FIGNL2: variants seen among roughly 807,000 people sequenced by gnomAD.
FIGNL2 encodes the protein fidgetin like 2.
For synonymous variants in FIGNL2, 565 were observed against 484.0 expected (o/e 1.17, Z -2.20); for missense variants, 1,060 against 950.2 (o/e 1.12, Z -1.52).
In FIGNL2 at chr12:51,820,803, CCG is replaced by C; in HGVS notation, c.1609_1610del (p.Arg537AlafsTer43). 6.8e-7 allele frequency: 1 copy of C among 1,474,214 alleles called. No homozygotes were observed. The highest frequency in any genetic ancestry group is 1.3e-5 in the South Asian group (1 of 77,784). The allele number at this position is 1,474,214 out of a possible 1,614,324, so 91.3% of individuals were successfully genotyped here. On this transcript the variant is annotated frameshift_variant, in exon 2 of 2. Transcript: ENST00000618634. LOFTEE classifies it low-confidence loss of function (END_TRUNC). ...GGGTCGCCTCGTCCAGAGCCGCGGGCCGCGAGGTGGTGCCCACAACCAGCACG... is the reference window on the plus strand; with the variant it reads ...GGGTCGCCTCGTCCAGAGCCGCGGGCCGAGGTGGTGCCCACAACCAGCACG... ...DGVLVVGTTS[R>X]PAALDEATRR...
chr12:51,842,379 G>C (rs1939678544), intron 1 of FIGNL2, among the ~76,000 whole-genome samples: 1 of 152,200 alleles, frequency 6.6e-6, no homozygotes, highest in Non-Finnish European at 1.5e-5. Flanking sequence ...AGTTTCTCCT[G>C]GTGTCCAGAG....
At chr12:51,827,968 C>T (rs1287581848) in intron 1 of FIGNL2, among the ~76,000 whole-genome samples, 1 of 152,174 alleles carries the variant, frequency 6.6e-6, no homozygotes, top group Non-Finnish European at 1.5e-5. Context: ...GGAGACAGGA[C>T]TCAAAGCCCA....
At chr12:51,829,554 G>A (rs1009184291) in intron 1 of FIGNL2, among the ~76,000 whole-genome samples, 4 of 152,198 alleles carry the variant, frequency 2.6e-5, no homozygotes, top group African/African-American at 9.7e-5. Context: ...GCATGAGTAG[G>A]GCTCAACACA....
rs977341590 is a variant in FIGNL2, at chr12:51,821,103, G to C, written c.1311C>G (p.Gly437=). The C allele has an allele frequency of 1.5e-6, 2 of 1,374,460 alleles. No individual in the cohort carries two copies. Among genetic ancestry groups the C allele is most frequent in the African/African-American group, 3.1e-5 (2 of 64,876 alleles). The allele number at this position is 1,374,460 out of a possible 1,614,324, so 85.1% of individuals were successfully genotyped here. Residue 437 remains glycine, a synonymous_variant, in exon 2 of 2, where the codon GGC becomes GGG. Coordinates refer to ENST00000618634, the MANE Select transcript of FIGNL2 (RefSeq NM_001384995.1). ...TVLLFGPRGA[G]KALLGRCLAT... is the part of the protein sequence containing the mutation. Reference sequence around the variant, plus strand: ...CGAGGCAGCGGCCCAGCAGCGCTTTGCCCGCGCCCCGCGGCCCAAAGAGCA... The same window carrying C: ...CGAGGCAGCGGCCCAGCAGCGCTTTCCCCGCGCCCCGCGGCCCAAAGAGCA...
intron 1 of FIGNL2, among the ~76,000 whole-genome samples, chr12:51,834,311 C>T (rs1051573379): frequency 1.3e-4 from 19 of 151,962 alleles, no homozygotes; most frequent in African/African-American, 4.4e-4. Context: ...TCTGTGAACA[C>T]CAGAGGAAAG....
intron 1 of FIGNL2, among the ~76,000 whole-genome samples, chr12:51,834,946 T>C (rs963234554): frequency 6.6e-6 from 1 of 152,192 alleles, no homozygotes; most frequent in Admixed American, 6.5e-5. Context: ...GACTCAAGTG[T>C]GGAAAGAGAT....
At chr12:51,833,337 G>C (rs904781325) in intron 1 of FIGNL2, among the ~76,000 whole-genome samples, 1 of 152,128 alleles carries the variant, frequency 6.6e-6, no homozygotes, top group African/African-American at 2.4e-5. Flanking sequence ...CCAGGCATGG[G>C]CCACTGTGCC....
chr12:51,830,339 C>T (rs1939428104), intron 1 of FIGNL2, among the ~76,000 whole-genome samples: 2 of 151,716 alleles, frequency 1.3e-5, no homozygotes, highest in Admixed American at 1.3e-4. Context: ...TTTAGGTGTT[C>T]TTACCACAAA....
In FIGNL2 at chr12:51,821,603, CG is replaced by C; in HGVS notation, c.810del (p.Asp271ThrfsTer108). 1.3e-6 allele frequency: 2 copies of C among 1,505,418 alleles called. No homozygotes were observed. Among genetic ancestry groups the C allele is most frequent in the Non-Finnish European group, 1.8e-6 (2 of 1,133,134 alleles). The allele number at this position is 1,505,418 out of a possible 1,614,324, so 93.3% of individuals were successfully genotyped here. A position where few individuals can be genotyped will look rare whatever the true frequency, so the allele number is the denominator to read the frequency against. Reference protein sequence around the residue: ...ESGLSLKRKAADEGPEGRYRK... With the variant: ...ESGLSLKRKAXDEGPEGRYRK... The stretch of plus-strand genomic sequence containing the variant: ...CGGTAGCGGCCCTCGGGCCCCTCGT[CG>C]GCGGCCTTGCGCTTCAGCGACAGCC... On this transcript the variant is annotated frameshift_variant, in exon 2 of 2. Coordinates refer to ENST00000618634, the MANE Select transcript of FIGNL2 (RefSeq NM_001384995.1). LOFTEE classifies it low-confidence loss of function (END_TRUNC).
At chr12:51,845,191 C>G (rs576119991) in intron 1 of FIGNL2, among the ~76,000 whole-genome samples, 4 of 152,326 alleles carry the variant, frequency 2.6e-5, no homozygotes, top group African/African-American at 7.2e-5. Context: ...CTTCCATGCC[C>G]TAGTATTCCT....
At chr12:51,830,706 T>C (rs1422871926) in intron 1 of FIGNL2, among the ~76,000 whole-genome samples, 2 of 152,080 alleles carry the variant, frequency 1.3e-5, no homozygotes, top group South Asian at 2.1e-4. Flanking sequence ...TTGGCCAGGC[T>C]GGTCTCAAAC....
rs1344196601 is a variant in FIGNL2, at chr12:51,821,368, G to A, written c.1046C>T (p.Pro349Leu). The A allele has an allele frequency of 1.3e-6, 2 of 1,505,588 alleles. No individual in the cohort carries two copies. The highest frequency in any genetic ancestry group is 2.1e-5 in the Admixed American group (1 of 47,188). The allele number at this position is 1,505,588 out of a possible 1,614,324, so 93.3% of individuals were successfully genotyped here. Reference protein sequence around the residue: ...GPQLEPFEKFPERAPAPRGGF... With the variant: ...GPQLEPFEKFLERAPAPRGGF... ...CCCACGAGGAGCCGGGGCCCGCTCCGGGAACTTTTCAAAGGGCTCCAGTTG... is the reference window on the plus strand; with the variant it reads ...CCCACGAGGAGCCGGGGCCCGCTCCAGGAACTTTTCAAAGGGCTCCAGTTG... Residue 349 changes from proline to leucine, a missense_variant, in exon 2 of 2, where the codon CCG becomes CTG. Pro to Leu is a moderately conservative substitution (Grantham distance 98, BLOSUM62 -3). Transcript: ENST00000618634.
chr12:51,823,753 G>C (rs1346429074), intron 1 of FIGNL2, among the ~76,000 whole-genome samples: 1 of 152,236 alleles, frequency 6.6e-6, no homozygotes, highest in Non-Finnish European at 1.5e-5. Flanking sequence ...TATTCTCATA[G>C]GTTCAGTATT....
At chr12:51,848,336 C>A in intron 1 of FIGNL2, 2 of 982,972 alleles carry the variant, frequency 2.0e-6, no homozygotes, top group Non-Finnish European at 2.4e-6. Context: ...CCCCCTCCCC[C>A]CGAGAAGTGA....
In FIGNL2 at chr12:51,821,898, G is replaced by C; in HGVS notation, c.516C>G (p.Cys172Trp). The C allele has an allele frequency of 7.0e-7, 1 of 1,429,412 alleles. No homozygotes were observed. The highest frequency in any genetic ancestry group is 3.4e-5 in the Admixed American group (1 of 29,634). The allele number at this position is 1,429,412 out of a possible 1,614,324, so 88.5% of individuals were successfully genotyped here. The change falls in exon 2 of 2, where the codon TGC becomes TGG. Residue 172 changes from cysteine (C) to tryptophan (W), a missense_variant. Cys to Trp is a radical substitution (Grantham distance 215, BLOSUM62 -2). Coordinates refer to ENST00000618634, the MANE Select transcript of FIGNL2 (RefSeq NM_001384995.1). ...YGGGYLAPGY[C>W]AQTGAALPPP... is the part of the protein sequence containing the mutation. Reference sequence around the variant, plus strand: ...GGGGCAGCGCGGCGCCCGTCTGCGCGCAGTAACCCGGCGCCAGGTACCCCC... The same window carrying C: ...GGGGCAGCGCGGCGCCCGTCTGCGCCCAGTAACCCGGCGCCAGGTACCCCC...
In FIGNL2 at chr12:51,832,159, A is replaced by G. The variant is rs148373664; in HGVS notation, c.-11-9735T>C. ...AGCCTCCTAAGTAGCTGGGATTACA[A>G]GTGCCCACCACCACGCCCAGCTAAT... On this transcript the variant is annotated intron_variant, in intron 1 of 1. Transcript: ENST00000618634. Among the ~76,000 whole-genome samples the G allele has an allele frequency of 7.2e-3, 1,102 of 152,074 alleles. 10 individuals are homozygous for G. The highest frequency in any genetic ancestry group is 0.025 in the African/African-American group (1,036 of 41,480).
rs565395592 is a variant in FIGNL2 at position 51,836,272 on chromosome 12, G to A, written c.-12+12268C>T. 1.2e-4 allele frequency among the ~76,000 whole-genome samples: 18 copies of A among 152,260 alleles called. No homozygotes were observed. In the South Asian group the frequency reaches 3.7e-3, roughly 32 times the overall value. On this transcript the variant is annotated intron_variant, in intron 1 of 1. Coordinates refer to ENST00000618634, the MANE Select transcript of FIGNL2 (RefSeq NM_001384995.1). ...AGAGGAGGGACAGGCGGAGGAGGAG[G>A]AGAGGAAGGTAGGACAGGGCACTCT...
intron 1 of FIGNL2, among the ~76,000 whole-genome samples, chr12:51,838,249 C>T (rs762387644): frequency 2.0e-5 from 3 of 152,224 alleles, no homozygotes; most frequent in Admixed American, 6.5e-5. Context: ...GAGGCCACTG[C>T]ACACTGGGCT....
At chr12:51,845,465 C>G in intron 1 of FIGNL2, 1 of 985,134 alleles carries the variant, frequency 1.0e-6, no homozygotes, top group Non-Finnish European at 1.2e-6. Flanking sequence ...TCACCGCCCC[C>G]CCCCCACAGT....
Sources: allele counts gnomAD v4.1 joint callset (sites outside exome capture counted in the v4.1 genomes callset), GRCh38; gene constraint gnomAD v4.1.1; transcripts MANE v1.5; gene names NCBI Gene and HGNC (gene_info 2026-07-23, HGNC 2026-07-21).